The following FOXN2 variants were observed in gnomAD, a reference collection of about 807,000 sequenced individuals.
The protein encoded by FOXN2 is forkhead box N2.
Under a neutral mutation model 41.2 loss-of-function variants are expected in FOXN2, and 19 were observed. The observed-to-expected ratio is 0.46, with a 90% confidence interval of 0.32 to 0.68. The LOEUF (loss-of-function observed/expected upper bound fraction) is 0.68. Among genes scored for constraint, FOXN2 ranks in the 30% least tolerant of loss-of-function variants. FOXN2 has a pLI of 0.03. For missense variants in FOXN2, 587 were observed against 509.4 expected, an observed-to-expected ratio of 1.15 and a Z score of -1.47; for synonymous variants, 195 against 176.8, an observed-to-expected ratio of 1.10 and a Z score of -0.82.
intron 1 of FOXN2, among the ~76,000 whole-genome samples, chr2:48,321,986 T>C (rs1328986177): frequency 2.0e-5 from 3 of 152,234 alleles, no homozygotes; most frequent in African/African-American, 7.2e-5. Context: ...TCTTGCTTTG[T>C]TGCCCAGCCT....
At position 48,332,739 on chromosome 2, in the gene FOXN2, G is replaced by A. The variant is rs1380642813; in HGVS notation, c.-15+4037G>A. ...AGTAATAATCATCATTACCATCTCT[G>A]CAGCGAGTATTCATTGTATACTTAC... is the stretch of plus-strand genomic sequence containing the variant. On this transcript the variant is annotated intron_variant, in intron 2 of 6. Coordinates refer to ENST00000340553, the MANE Select transcript of FOXN2 (RefSeq NM_002158.4). 2.0e-5 allele frequency among the ~76,000 whole-genome samples: 3 copies of A among 152,066 alleles called. No individual in the cohort carries two copies. The East Asian group carries it at 5.8e-4, about 29-fold the overall frequency.
chr2:48,314,032 A>C (rs562362431), upstream of FOXN2, among the ~76,000 whole-genome samples: 1 of 152,132 alleles, frequency 6.6e-6, no homozygotes, highest in Non-Finnish European at 1.5e-5. Context: ...TTTTTTCCCT[A>C]CTGCAAACAC....
chr2:48,372,390 T>C (rs1487329226), intron 5 of FOXN2, among the ~76,000 whole-genome samples: 4 of 152,212 alleles, frequency 2.6e-5, no homozygotes, highest in Non-Finnish European at 5.9e-5. Flanking sequence ...ATAGGAAATC[T>C]TTATGGTAAT....
chr2:48,329,989 T>G (rs138301676), intron 2 of FOXN2, among the ~76,000 whole-genome samples: 1 of 152,062 alleles, frequency 6.6e-6, no homozygotes, highest in South Asian at 2.1e-4. Context: ...TGCTACTGAC[T>G]AGACAAATTA....
chr2:48,330,472 A>T (rs1558615196), intron 2 of FOXN2, among the ~76,000 whole-genome samples: 1 of 152,166 alleles, frequency 6.6e-6, no homozygotes, highest in African/African-American at 2.4e-5. Context: ...TATGAAAAAC[A>T]TTGTTTAGTG....
intron 1 of FOXN2, among the ~76,000 whole-genome samples, chr2:48,327,143 T>G (rs763101159): frequency 6.6e-6 from 1 of 152,032 alleles, no homozygotes; most frequent in Non-Finnish European, 1.5e-5. Flanking sequence ...CCTGTCCTAC[T>G]TGGATATCTC....
intron 1 of FOXN2, among the ~76,000 whole-genome samples, chr2:48,322,352 A>G (rs930850567): frequency 2.0e-5 from 3 of 152,190 alleles, no homozygotes; most frequent in Non-Finnish European, 2.9e-5. Context: ...CAAATGTGTA[A>G]CTTAGTGAAT....
In FOXN2 at chr2:48,322,459, T is replaced by C. The variant is rs572024908; in HGVS notation, c.-156-6102T>C. On this transcript the variant is annotated intron_variant, in intron 1 of 6. Transcript: ENST00000340553. ...TAAGTTTTTGGTTTTATTACTCAAG[T>C]ATGTGTCCCTAGATGCTATAGTTAA... Among the ~76,000 whole-genome samples the C allele has an allele frequency of 2.0e-5, 3 of 152,294 alleles. No individual in the cohort carries two copies. The South Asian group carries it at 6.2e-4, about 32-fold the overall frequency.
At position 48,335,351 on chromosome 2, in the gene FOXN2, A is replaced by G. The variant is rs370352661; in HGVS notation, c.-15+6649A>G. Among the ~76,000 whole-genome samples the G allele has an allele frequency of 7.9e-5, 12 of 152,350 alleles. No homozygotes were observed. In the South Asian group the frequency reaches 2.5e-3, roughly 32 times the overall value. On this transcript the variant is annotated intron_variant, in intron 2 of 6. Coordinates refer to ENST00000340553, the MANE Select transcript of FOXN2 (RefSeq NM_002158.4). ...AAATATGCTGTTGAAAAGTTAGCAT[A>G]ATGAAAGGTAAATCTTAAGAAATTT... is the stretch of plus-strand genomic sequence containing the variant.
chr2:48,335,089 A>G (rs899238910), intron 2 of FOXN2, among the ~76,000 whole-genome samples: 1 of 152,236 alleles, frequency 6.6e-6, no homozygotes, highest in Non-Finnish European at 1.5e-5. Flanking sequence ...GTGGCTTATA[A>G]TAAAAATTAC....
intron 2 of FOXN2, among the ~76,000 whole-genome samples, chr2:48,336,408 C>CAA (rs375315237): frequency 1.0e-4 from 12 of 118,032 alleles, no homozygotes; most frequent in African/African-American, 1.2e-4. Context: ...CCTCAGTTTC[C>CAA]AAAAAAAAAA....
intron 3 of FOXN2, among the ~76,000 whole-genome samples, chr2:48,351,362 G>GT (rs1324578365): frequency 6.6e-6 from 1 of 152,174 alleles, no homozygotes; most frequent in African/African-American, 2.4e-5. Flanking sequence ...GCGTGAAGGA[G>GT]TTTAAGTTTT....
intron 2 of FOXN2, among the ~76,000 whole-genome samples, chr2:48,335,539 G>A (rs541429457): frequency 1.0e-3 from 67 of 64,644 alleles, no homozygotes; most frequent in African/African-American, 2.6e-3. Flanking sequence ...AAATAACAGC[G>A]TAGAATTCTA....
At chr2:48,326,072 A>G (rs1572700758) in intron 1 of FOXN2, among the ~76,000 whole-genome samples, 1 of 151,946 alleles carries the variant, frequency 6.6e-6, no homozygotes, top group African/African-American at 2.4e-5. Flanking sequence ...CCAGTCTCAA[A>G]CTTCTGGCCT....
At chr2:48,340,364 C>T (rs192850627) in intron 2 of FOXN2, among the ~76,000 whole-genome samples, 43 of 152,276 alleles carry the variant, frequency 2.8e-4, no homozygotes, top group African/African-American at 9.6e-4. Context: ...CAAAAATGCT[C>T]TCCTATGACC....
At chr2:48,328,483 G>A (rs1449672003) in intron 1 of FOXN2, 78 bp from the exon 2 acceptor site, 3 of 152,032 alleles carry the variant, frequency 2.0e-5, no homozygotes, top group Admixed American at 6.6e-5. Flanking sequence ...AGGGAATAAC[G>A]ACAAGAAAAA....
At position 48,358,926 on chromosome 2, in the gene FOXN2, C is replaced by T. The variant is rs114480689; in HGVS notation, c.538-121C>T. 5.0e-3 allele frequency: 3,440 copies of T among 693,766 alleles called. 77 individuals carry two copies. In the African/African-American group the frequency reaches 0.052, roughly 11 times the overall value. 43.0% of individuals were successfully genotyped at this position (693,766 alleles called of 1,614,324 possible). A position where few individuals can be genotyped will look rare whatever the true frequency, so the allele number is the denominator to read the frequency against. ...TGCACACATAGCAAGCTCACTTCAA[C>T]CTTAGTTTCATACTCAAAAGGTGCT... On this transcript the variant is annotated intron_variant, in intron 3 of 6. Transcript: ENST00000340553.
At chr2:48,363,804 G>A (rs1323305632) in intron 5 of FOXN2, among the ~76,000 whole-genome samples, 2 of 152,226 alleles carry the variant, frequency 1.3e-5, no homozygotes, top group African/African-American at 2.4e-5. Flanking sequence ...TCCTAGGTGT[G>A]TAGTAGGCTA....
chr2:48,358,178 G>GT lies in FOXN2; in HGVS notation c.538-860dup, dbSNP rs1174699220. On this transcript the variant is annotated intron_variant, in intron 3 of 6. Transcript: ENST00000340553. The stretch of plus-strand genomic sequence containing the variant: ...ACTAATGTATTTTTTTCTTATTGTC[G>GT]TTTTTTTTTCAAAATTCCCTCCTCG... 3.1e-3 allele frequency among the ~76,000 whole-genome samples: 449 copies of GT among 144,100 alleles called. 7 individuals are homozygous for GT. Among genetic ancestry groups the GT allele is most frequent in the Non-Finnish European group, 1.2e-3 (76 of 65,460 alleles). The allele number at this position is 144,100 out of a possible 152,430, so 94.5% of individuals were successfully genotyped here.
Sources: gnomAD v4.1 joint callset for allele counts (sites outside exome capture counted in the v4.1 genomes callset) on GRCh38, gnomAD v4.1.1 for gene constraint, MANE v1.5 for transcripts, NCBI Gene and HGNC (gene_info 2026-07-23, HGNC 2026-07-21) for gene names.